EYS: variants seen among roughly 807,000 people sequenced by gnomAD.
EYS encodes the protein EGF-like photoreceptor maintenance factor.
EYS carries 250 observed loss-of-function variants against 282.1 expected under a neutral mutation model. That is an observed-to-expected ratio of 0.89 (90% CI 0.80 to 0.98). The LOEUF is 0.98. EYS is among the 50% of genes least tolerant of loss of function. EYS has a pLI of 0.00. For missense variants in EYS, 4,016 were observed against 3,709.0 expected (o/e 1.08, Z -2.15); for synonymous variants, 1,355 against 1,282.9 (o/e 1.06, Z -1.20).
At chr6:65,665,955 A>T (rs943701362) in intron 1 of EYS, among the ~76,000 whole-genome samples, 1 of 151,966 alleles carries the variant, frequency 6.6e-6, no homozygotes, top group East Asian at 1.9e-4. Context: ...ATGGTTTCCA[A>T]TTCAAAACAT....
intron 22 of EYS, among the ~76,000 whole-genome samples, chr6:64,801,587 T>C (rs961151267): frequency 2.0e-5 from 3 of 152,188 alleles, no homozygotes; most frequent in Non-Finnish European, 4.4e-5. Context: ...TGTTGATGAA[T>C]TGAACATTCT....
intron 31 of EYS, among the ~76,000 whole-genome samples, chr6:64,122,350 A>G (rs1773618518): frequency 1.3e-5 from 2 of 152,134 alleles, no homozygotes; most frequent in Non-Finnish European, 2.9e-5. Flanking sequence ...TGTGGATATG[A>G]ATTAGTAGAG....
intron 29 of EYS, among the ~76,000 whole-genome samples, chr6:64,348,586 G>C (rs1178955297): frequency 6.6e-6 from 1 of 151,408 alleles, no homozygotes; most frequent in Non-Finnish European, 1.5e-5. Flanking sequence ...AACTCTAACT[G>C]AGCAATTATC....
chr6:65,280,865 A>T (rs6927400), intron 12 of EYS, among the ~76,000 whole-genome samples: 63,164 of 135,576 alleles, frequency 0.47, 14,758 homozygotes, highest in South Asian at 0.63. Flanking sequence ...TAAAAAAAAA[A>T]ATATATATAT....
At position 64,163,853 on chromosome 6, in the gene EYS, G is replaced by A. The variant is rs982761790; in HGVS notation, c.6424+66739C>T. Among the ~76,000 whole-genome samples, 10 of 152,056 alleles carry A rather than the reference G, an allele frequency of 6.6e-5. No homozygotes were observed. The South Asian group carries it at 1.0e-3, about 16-fold the overall frequency. On this transcript the variant is annotated intron_variant, in intron 31 of 42. Coordinates refer to ENST00000503581, the MANE Select transcript of EYS (RefSeq NM_001142800.2). ...GCAAACAGCTGTTAGAGTCTGAGAA[G>A]CTAGGGGAGAGAAGCAGACATGAAA...
intron 37 of EYS, among the ~76,000 whole-genome samples, chr6:63,793,475 ATT>A (rs1770567382): frequency 6.6e-6 from 1 of 152,236 alleles, no homozygotes; most frequent in Non-Finnish European, 1.5e-5. Context: ...TTGCATGTGC[ATT>A]AAATACTTTT....
intron 22 of EYS, among the ~76,000 whole-genome samples, chr6:64,766,631 CAAAAA>C (rs1173014436): frequency 6.7e-5 from 1 of 14,842 alleles, no homozygotes; most frequent in African/African-American, 2.1e-4. Flanking sequence ...AACTCCGTCT[CAAAAA>C]AAAAAAAAAA....
intron 22 of EYS, among the ~76,000 whole-genome samples, chr6:64,699,896 C>T (rs1217172336): frequency 1.3e-5 from 2 of 152,024 alleles, no homozygotes; most frequent in African/African-American, 2.4e-5. Flanking sequence ...CACTAACAAA[C>T]AAAAGTAAAC....
intron 23 of EYS, among the ~76,000 whole-genome samples, chr6:64,623,857 C>A (rs1767520774): frequency 6.6e-6 from 1 of 151,924 alleles, no homozygotes; most frequent in Non-Finnish European, 1.5e-5. Flanking sequence ...TACCCTGAAA[C>A]CGTGGCAAAC....
intron 26 of EYS, among the ~76,000 whole-genome samples, chr6:64,525,415 C>G (rs750939806): frequency 2.6e-5 from 4 of 151,632 alleles, no homozygotes; most frequent in Non-Finnish European, 4.4e-5. Context: ...AGCAAACTAA[C>G]GCAGGGACAG....
chr6:64,672,152 C>A (rs971015214), intron 22 of EYS, among the ~76,000 whole-genome samples: 1 of 152,064 alleles, frequency 6.6e-6, no homozygotes, highest in Non-Finnish European at 1.5e-5. Context: ...TGAGATTTTT[C>A]TTTTGAATAA....
intron 4 of EYS, among the ~76,000 whole-genome samples, chr6:65,490,972 A>G (rs568341405): frequency 6.6e-6 from 1 of 152,192 alleles, no homozygotes; most frequent in South Asian, 2.1e-4. Context: ...TTTACATAAT[A>G]TTTTAAAATT....
rs759209876 is a variant in EYS, at chr6:63,721,345, T to TTGTGCCA, written c.8679_8685dup (p.Thr2896TrpfsTer18). On this transcript the variant is annotated frameshift_variant, in exon 43 of 43. Coordinates refer to ENST00000503581, the MANE Select transcript of EYS (RefSeq NM_001142800.2). LOFTEE classifies it low-confidence loss of function (END_TRUNC). ...TCTGGCAAACATCTGCAAGAAAAAG[T>TTGTGCCA]TGTGCCATTTACTGTACATTCACCT... The TTGTGCCA allele has an allele frequency of 3.9e-6, 6 of 1,551,882 alleles. No individual in the cohort carries two copies. In the South Asian group the frequency reaches 7.1e-5, roughly 18 times the overall value.
chr6:64,122,079 ATATAT>A (rs1773609287), intron 31 of EYS, among the ~76,000 whole-genome samples: 1 of 152,114 alleles, frequency 6.6e-6, no homozygotes. Context: ...TATTTAATAA[ATATAT>A]TAGCTGTTTT....
At chr6:65,033,552 C>A (rs1307781106) in intron 13 of EYS, among the ~76,000 whole-genome samples, 1 of 152,102 alleles carries the variant, frequency 6.6e-6, no homozygotes, top group Non-Finnish European at 1.5e-5. Flanking sequence ...AGGTACAGCT[C>A]CAGGCTGCCA....
chr6:64,271,611 A>G (rs1167160251), intron 30 of EYS, among the ~76,000 whole-genome samples: 1 of 152,062 alleles, frequency 6.6e-6, no homozygotes, highest in Admixed American at 6.6e-5. Flanking sequence ...AAAGAGTGTC[A>G]TATGTATTCT....
chr6:65,153,414 T>TGTGTGTG (rs1491582826), intron 12 of EYS, among the ~76,000 whole-genome samples: 1 of 137,710 alleles, frequency 7.3e-6, no homozygotes, highest in African/African-American at 2.7e-5. Flanking sequence ...TGTGTGTGTG[T>TGTGTGTG]TAACCACTAA....
At chr6:64,211,621 A>G (rs1041486804) in intron 31 of EYS, among the ~76,000 whole-genome samples, 8 of 148,344 alleles carry the variant, frequency 5.4e-5, no homozygotes, top group Admixed American at 1.3e-4. Flanking sequence ...ATGCATATAT[A>G]TGAATTAAAT....
intron 12 of EYS, among the ~76,000 whole-genome samples, chr6:65,208,626 G>A (rs1031172657): frequency 3.3e-5 from 5 of 151,806 alleles, no homozygotes; most frequent in African/African-American, 1.2e-4. Context: ...AGCCATAAAA[G>A]GAATGAAGTC....
Sources: gnomAD v4.1 joint callset for allele counts (sites outside exome capture counted in the v4.1 genomes callset) on GRCh38, gnomAD v4.1.1 for gene constraint, MANE v1.5 for transcripts, NCBI Gene and HGNC (gene_info 2026-07-23, HGNC 2026-07-21) for gene names.